PCDHGA5: variants seen among roughly 807,000 people sequenced by gnomAD.
PCDHGA5 encodes the protein protocadherin gamma-A5.
In PCDHGA5, 36 loss-of-function variants were observed where a neutral mutation model predicts 56.7. The ratio of observed to expected loss-of-function variants is 0.64; its 90% CI spans 0.49 to 0.84. PCDHGA5 has a LOEUF of 0.84. Among genes scored for constraint, PCDHGA5 ranks in the 40% least tolerant of loss-of-function variants. PCDHGA5 has a pLI of 0.00. For synonymous variants in PCDHGA5, 563 were observed against 520.2 expected, an observed-to-expected ratio of 1.08 and a Z score of -1.12; for missense variants, 1,305 against 1,201.5, an observed-to-expected ratio of 1.09 and a Z score of -1.27.
Position 141,503,999 on chromosome 5 carries a change from C to T in PCDHGA5, c.2481-1394C>T, listed in dbSNP as rs569153055. On this transcript the variant is annotated intron_variant, in intron 2 of 3. Coordinates refer to ENST00000518069, the MANE Select transcript of PCDHGA5 (RefSeq NM_018918.3). Reference sequence around the variant, plus strand: ...AACCCTTCTTCTTACCTTACAGTCACTTAACTGTCTCTGCTGGTCTCTTCC... The same window carrying T: ...AACCCTTCTTCTTACCTTACAGTCATTTAACTGTCTCTGCTGGTCTCTTCC... 2.0e-5 allele frequency among the ~76,000 whole-genome samples: 3 copies of T among 152,286 alleles called. No individual in the cohort carries two copies. The South Asian group carries it at 6.2e-4, about 32-fold the overall frequency.
intron 1 of PCDHGA5, among the ~76,000 whole-genome samples, chr5:141,401,414 A>G (rs539285035): frequency 1.3e-5 from 2 of 152,350 alleles, no homozygotes; most frequent in African/African-American, 4.8e-5. Flanking sequence ...AGAGAAAGAG[A>G]GAGACTGATT....
chr5:141,480,816 G>A (rs1400500941), intron 1 of PCDHGA5, among the ~76,000 whole-genome samples: 4 of 152,208 alleles, frequency 2.6e-5, no homozygotes, highest in Admixed American at 2.0e-4. Flanking sequence ...GGAGGCTGAG[G>A]TGGGTGGATC....
chr5:141,375,040 T>C (rs1771075321), intron 1 of PCDHGA5: 4 of 1,614,056 alleles, frequency 2.5e-6, no homozygotes, highest in Non-Finnish European at 3.4e-6. Flanking sequence ...AGCTGGGTGT[T>C]GAAGCCCGGG....
intron 1 of PCDHGA5, chr5:141,421,426 A>T: frequency 1.2e-6 from 2 of 1,614,104 alleles, no homozygotes; most frequent in Non-Finnish European, 8.5e-7. Flanking sequence ...CGGAGTCCGC[A>T]TCGTCTCCAG....
intron 1 of PCDHGA5, among the ~76,000 whole-genome samples, chr5:141,445,011 T>C (rs970882082): frequency 1.3e-5 from 2 of 152,196 alleles, no homozygotes; most frequent in Non-Finnish European, 2.9e-5. Flanking sequence ...AATTAGGTCT[T>C]TAATTTCTCT....
intron 1 of PCDHGA5, among the ~76,000 whole-genome samples, chr5:141,466,790 A>C (rs1240777427): frequency 2.0e-5 from 3 of 152,210 alleles, no homozygotes; most frequent in Non-Finnish European, 2.9e-5. Context: ...TTAGTGCCTC[A>C]AACTAGATCC....
At chr5:141,369,276 A>T (rs1275189413) in intron 1 of PCDHGA5, among the ~76,000 whole-genome samples, 1 of 152,086 alleles carries the variant, frequency 6.6e-6, no homozygotes, top group Non-Finnish European at 1.5e-5. Context: ...CTTACAATTC[A>T]CTCCCCAATC....
chr5:141,422,643 C>T, intron 1 of PCDHGA5: 1 of 1,612,336 alleles, frequency 6.2e-7, no homozygotes, highest in Non-Finnish European at 8.5e-7. Flanking sequence ...GTGCCTCCAT[C>T]TTCTCAGTGA....
intron 1 of PCDHGA5, chr5:141,371,408 A>G (rs1767731278): frequency 6.2e-7 from 1 of 1,614,038 alleles, no homozygotes; most frequent in Admixed American, 1.7e-5. Flanking sequence ...TAGATATTTC[A>G]GATGAAAATG....
At chr5:141,462,043 G>C (rs1310987622) in intron 1 of PCDHGA5, among the ~76,000 whole-genome samples, 1 of 152,100 alleles carries the variant, frequency 6.6e-6, no homozygotes, top group Non-Finnish European at 1.5e-5. Flanking sequence ...GGCGGGTCTT[G>C]AACTCCCGAC....
intron 1 of PCDHGA5, among the ~76,000 whole-genome samples, chr5:141,405,997 C>T (rs1589599248): frequency 6.6e-6 from 1 of 151,926 alleles, no homozygotes; most frequent in Non-Finnish European, 1.5e-5. Context: ...TAGCTCTCAG[C>T]CTGCATTGAT....
chr5:141,487,616 G>T lies in PCDHGA5; in HGVS notation c.2422-7191G>T. The T allele has an allele frequency of 1.2e-6, 2 of 1,614,220 alleles. No homozygotes were observed. The highest frequency in any genetic ancestry group is 1.7e-6 in the Non-Finnish European group (2 of 1,180,044). ...CTCTGATCTTCTCTATGGGCTAGAGGTGAGACCTTTGCAGGCTCAACAAAT... is the reference window on the plus strand; with the variant it reads ...CTCTGATCTTCTCTATGGGCTAGAGTTGAGACCTTTGCAGGCTCAACAAAT... On this transcript the variant is annotated intron_variant, in intron 1 of 3. Coordinates refer to ENST00000518069, the MANE Select transcript of PCDHGA5 (RefSeq NM_018918.3). This position sits in a 1 kb window ranked among gnomAD's most constrained non-coding sequence, Gnocchi z 5.0.
At chr5:141,500,729 C>T (rs1434863449) in intron 2 of PCDHGA5, among the ~76,000 whole-genome samples, 2 of 152,130 alleles carry the variant, frequency 1.3e-5, no homozygotes, top group Non-Finnish European at 2.9e-5. Flanking sequence ...CCATGTCTTT[C>T]AAAATTCTTC....
rs1457099502 is a variant in PCDHGA5 at position 141,477,430 on chromosome 5, A to G, written c.2422-17377A>G. The G allele has an allele frequency of 1.2e-6, 2 of 1,614,162 alleles. No individual in the cohort carries two copies. The highest frequency in any genetic ancestry group is 1.7e-6 in the Non-Finnish European group (2 of 1,180,020). Reference sequence around the variant, plus strand: ...GAGACGCCGGAACCCCTTCCCTCTCAGCCCTTACAATAGTGCGTGTTCAAG... The same window carrying G: ...GAGACGCCGGAACCCCTTCCCTCTCGGCCCTTACAATAGTGCGTGTTCAAG... On this transcript the variant is annotated intron_variant, in intron 1 of 3. Transcript: ENST00000518069. This position sits in a 1 kb window ranked among gnomAD's most constrained non-coding sequence, Gnocchi z 4.9.
At position 141,477,493 on chromosome 5, in the gene PCDHGA5, A is replaced by G. The variant is rs2154575835; in HGVS notation, c.2422-17314A>G. ...ATGACAACCCTCCACAATCTTCTCA[A>G]TCTTCCTACGACGTTTACATTGAAG... On this transcript the variant is annotated intron_variant, in intron 1 of 3. Transcript: ENST00000518069. This position sits in a 1 kb window ranked among gnomAD's most constrained non-coding sequence, Gnocchi z 4.9. 6.2e-7 allele frequency: 1 copy of G among 1,613,976 alleles called. No individual in the cohort carries two copies. The highest frequency in any genetic ancestry group is 1.6e-4 in the Middle Eastern group (1 of 6,062).
chr5:141,431,356 C>T lies in PCDHGA5; in HGVS notation c.2422-63451C>T. ...ACCCCGAATTGGTGCTGAAACGCGC[C>T]CTGGACCGCGAAGAAAAGGCTGCTC... On this transcript the variant is annotated intron_variant, in intron 1 of 3. Transcript: ENST00000518069. This position sits in a 1 kb window ranked among gnomAD's most constrained non-coding sequence, Gnocchi z 4.8. 6.2e-7 allele frequency: 1 copy of T among 1,614,004 alleles called. No individual in the cohort carries two copies. The highest frequency in any genetic ancestry group is 8.5e-7 in the Non-Finnish European group (1 of 1,180,026).
Position 141,430,120 on chromosome 5 carries a change from G to A in PCDHGA5, c.2421+63369G>A, listed in dbSNP as rs73280905. Among the ~76,000 whole-genome samples, 1,257 of 152,134 alleles carry A rather than the reference G, an allele frequency of 8.3e-3. 17 individuals are homozygous for A. Among genetic ancestry groups the A allele is most frequent in the African/African-American group, 0.029 (1,193 of 41,506 alleles). Reference sequence around the variant, plus strand: ...TTAAGCGTTACATGTCAACAACCTGGTAAAGTAATCCTTCCATTCAGGATC... The same window carrying A: ...TTAAGCGTTACATGTCAACAACCTGATAAAGTAATCCTTCCATTCAGGATC... On this transcript the variant is annotated intron_variant, in intron 1 of 3. Coordinates refer to ENST00000518069, the MANE Select transcript of PCDHGA5 (RefSeq NM_018918.3).
rs1367772661 is a variant in PCDHGA5, at chr5:141,512,193, GGAAGCTC to G, written c.*1026_*1032del. 2.0e-5 allele frequency: 3 copies of G among 152,756 alleles called. No homozygotes were observed. Among genetic ancestry groups the G allele is most frequent in the Non-Finnish European group, 4.4e-5 (3 of 68,136 alleles). 9.5% of individuals were successfully genotyped at this position (152,756 alleles called of 1,614,324 possible). ...GGATTAAACTGGCATTTCAGTCCAAGGAAGCTCGAAGCAGGTTTAGGACCAGGTCCCC... is the reference window on the plus strand; with the variant it reads ...GGATTAAACTGGCATTTCAGTCCAAGGAAGCAGGTTTAGGACCAGGTCCCC... On this transcript the variant is annotated 3_prime_UTR_variant, in exon 4 of 4. Coordinates refer to ENST00000518069, the MANE Select transcript of PCDHGA5 (RefSeq NM_018918.3).
intron 1 of PCDHGA5, among the ~76,000 whole-genome samples, chr5:141,481,794 A>C (rs1433830305): frequency 6.6e-6 from 1 of 152,136 alleles, no homozygotes; most frequent in East Asian, 1.9e-4. Context: ...TCTACTAAAA[A>C]TACAAAAATT....
Sources: gnomAD v4.1 joint callset for allele counts (sites outside exome capture counted in the v4.1 genomes callset) on GRCh38, gnomAD v4.1.1 for gene constraint, Gnocchi (gnomAD v3.1) non-coding constraint, MANE v1.5 for transcripts, NCBI Gene and HGNC (gene_info 2026-07-23, HGNC 2026-07-21) for gene names.